Variants in CA13 observed in about 807,000 individuals in gnomAD.
CA13 encodes CA-XIII.
Under a neutral mutation model 31.5 loss-of-function variants are expected in CA13, and 21 were observed. The ratio of observed to expected loss-of-function variants is 0.67; its 90% CI spans 0.47 to 0.96. The LOEUF is 0.96. CA13 is among the 40% of genes least tolerant of loss of function. CA13 has a pLI of 0.00. For synonymous variants in CA13, 117 were observed against 111.4 expected, an observed-to-expected ratio of 1.05 and a Z score of -0.32; for missense variants, 315 against 318.9, an observed-to-expected ratio of 0.99 and a Z score of 0.09.
intron 6 of CA13, among the ~76,000 whole-genome samples, chr8:85,277,497 C>T (rs576029792): frequency 1.8e-4 from 28 of 152,214 alleles, no homozygotes; most frequent in Admixed American, 5.9e-4. Flanking sequence ...ACACTCACCG[C>T]GAGGGTCCAC....
intron 3 of CA13, among the ~76,000 whole-genome samples, chr8:85,263,822 G>A (rs1456586830): frequency 6.6e-6 from 1 of 152,136 alleles, no homozygotes; most frequent in East Asian, 1.9e-4. Flanking sequence ...GGCTGGAGAT[G>A]GGGGCATTTG....
At chr8:85,254,486 G>T (rs1807254653) in intron 2 of CA13, among the ~76,000 whole-genome samples, 1 of 151,530 alleles carries the variant, frequency 6.6e-6, no homozygotes, top group Non-Finnish European at 1.5e-5. Context: ...TCTACTTCGG[G>T]TTAATCAGTG....
chr8:85,275,293 C>G (rs955541173), intron 6 of CA13, among the ~76,000 whole-genome samples: 1 of 152,222 alleles, frequency 6.6e-6, no homozygotes, highest in Admixed American at 6.5e-5. Context: ...TTTATCATTC[C>G]ACTTGCGGGA....
chr8:85,256,109 CAT>C (rs1320927774), intron 2 of CA13, among the ~76,000 whole-genome samples: 1 of 151,412 alleles, frequency 6.6e-6, no homozygotes, highest in Admixed American at 6.6e-5. Flanking sequence ...CCTTAGCATA[CAT>C]AGATTAACTC....
At chr8:85,277,651 G>C (rs1807633509) in intron 6 of CA13, among the ~76,000 whole-genome samples, 2 of 152,206 alleles carry the variant, frequency 1.3e-5, no homozygotes, top group African/African-American at 4.8e-5. Context: ...CGAACCCTGA[G>C]AGCGCGCCAA....
Position 85,281,520 on chromosome 8 carries a change from T to C in CA13, c.*171T>C. On this transcript the variant is annotated 3_prime_UTR_variant, in exon 7 of 7. Transcript: ENST00000321764. ...ACCAGATCTCTCTCTCTTTTTTTTT[T>C]ATTTTTTTTAGTGATAGAGTCTCAC... 7.6e-7 allele frequency: 1 copy of C among 1,323,042 alleles called. No individual in the cohort carries two copies. Among genetic ancestry groups the C allele is most frequent in the Non-Finnish European group, 9.7e-7 (1 of 1,028,282 alleles). 82.0% of individuals were successfully genotyped at this position (1,323,042 alleles called of 1,614,324 possible).
chr8:85,245,918 T>C lies in CA13; in HGVS notation c.37+53T>C, dbSNP rs559033511. 1.0e-5 allele frequency: 16 copies of C among 1,603,128 alleles called. No homozygotes were observed. In the South Asian group the frequency reaches 1.3e-4, roughly 13 times the overall value. On this transcript the variant is annotated intron_variant, in intron 1 of 6. Coordinates refer to ENST00000321764, the MANE Select transcript of CA13 (RefSeq NM_198584.3). ...GGGTTTGTGCGGGGGACGAGAGGAC[T>C]AGCGCGACGCCCCGGCGCTCGCTGA...
intron 2 of CA13, among the ~76,000 whole-genome samples, chr8:85,251,440 G>T (rs1813827355): frequency 6.6e-6 from 1 of 152,118 alleles, no homozygotes; most frequent in Non-Finnish European, 1.5e-5. Flanking sequence ...ATAATAAAGA[G>T]TATTTGGAAA....
At chr8:85,256,220 A>G (rs1564000864) in intron 2 of CA13, among the ~76,000 whole-genome samples, 3 of 152,306 alleles carry the variant, frequency 2.0e-5, no homozygotes, top group East Asian at 1.9e-4. Flanking sequence ...TTTTTAAAAA[A>G]TTTGTGGTAC....
At chr8:85,249,742 T>C (rs185619453) in intron 1 of CA13, 146 of 354,888 alleles carry the variant, frequency 4.1e-4, no homozygotes, top group African/African-American at 3.0e-3. Flanking sequence ...GTGATAGCTG[T>C]ATAAATTTCA....
intron 6 of CA13, among the ~76,000 whole-genome samples, chr8:85,271,158 C>G (rs1209131714): frequency 6.6e-6 from 1 of 152,180 alleles, no homozygotes; most frequent in Non-Finnish European, 1.5e-5. Context: ...CAGTCCCAGT[C>G]TAACCATGAA....
intron 3 of CA13, among the ~76,000 whole-genome samples, chr8:85,263,845 T>C (rs1455641216): frequency 1.3e-5 from 2 of 152,190 alleles, no homozygotes; most frequent in Non-Finnish European, 2.9e-5. Context: ...AGTCCTTGCA[T>C]TTGGTTTCAT....
intron 1 of CA13, chr8:85,246,435 T>A (rs1219381225): frequency 2.2e-6 from 1 of 456,000 alleles, no homozygotes; most frequent in South Asian, 1.5e-5. Context: ...TGCAGTTGGC[T>A]GACTACTACT....
intron 6 of CA13, 32 bp downstream of exon 6, chr8:85,268,659 C>T (rs746374704): frequency 5.9e-6 from 9 of 1,529,106 alleles, no homozygotes; most frequent in Non-Finnish European, 7.9e-6. Flanking sequence ...GATACTGATT[C>T]CCTCAGAGGA....
chr8:85,268,561 TCC>T lies in CA13; in HGVS notation c.604_605del (p.Pro202ThrfsTer4), dbSNP rs764181837. On this transcript the variant is annotated frameshift_variant, in exon 6 of 7. Transcript: ENST00000321764. LOFTEE classifies it high-confidence loss of function. ...YWTYPGSLTV[P>X]PLLESVTWIV... Reference sequence around the variant, plus strand: ...GGACATATCCTGGTTCTCTTACAGTTCCACCTCTTCTTGAGAGTGTCACATGG... The same window carrying T: ...GGACATATCCTGGTTCTCTTACAGTTACCTCTTCTTGAGAGTGTCACATGG... 3.1e-6 allele frequency: 5 copies of T among 1,613,972 alleles called. No individual in the cohort carries two copies. In the East Asian group the frequency reaches 1.1e-4, roughly 36 times the overall value.
chr8:85,274,006 T>TC (rs1424488952), intron 6 of CA13, among the ~76,000 whole-genome samples: 1 of 151,872 alleles, frequency 6.6e-6, no homozygotes, highest in Non-Finnish European at 1.5e-5. Flanking sequence ...GTCTCGGTCT[T>TC]CAGGGGGTAT....
In CA13 at chr8:85,268,419, T is replaced by C. The variant is rs1807483776; in HGVS notation, c.514-53T>C. 4 of 1,526,596 alleles carry C rather than the reference T, an allele frequency of 2.6e-6. No individual in the cohort carries two copies. The African/African-American group carries it at 4.1e-5, about 16-fold the overall frequency. The allele number at this position is 1,526,596 out of a possible 1,614,324, so 94.6% of individuals were successfully genotyped here. ...GTACATGGATGTATGTTTTTTGAGG[T>C]CTATGTAGAGCTATCCCATTGTAAT... On this transcript the variant is annotated intron_variant, in intron 5 of 6. Coordinates refer to ENST00000321764, the MANE Select transcript of CA13 (RefSeq NM_198584.3).
chr8:85,279,798 G>T (rs1025342207), intron 6 of CA13, among the ~76,000 whole-genome samples: 1 of 152,190 alleles, frequency 6.6e-6, no homozygotes, highest in African/African-American at 2.4e-5. Context: ...GTTATGATCT[G>T]CAGAAGGCTA....
chr8:85,274,533 G>A (rs1052995455), intron 6 of CA13, among the ~76,000 whole-genome samples: 3 of 152,182 alleles, frequency 2.0e-5, no homozygotes, highest in Non-Finnish European at 2.9e-5. Flanking sequence ...TTCTAGAACC[G>A]CTTTTCCGTT....
Sources: allele counts gnomAD v4.1 joint callset (sites outside exome capture counted in the v4.1 genomes callset), GRCh38; gene constraint gnomAD v4.1.1; transcripts MANE v1.5; gene names NCBI Gene and HGNC (gene_info 2026-07-23, HGNC 2026-07-21).